The following MEMO1 variants were observed in gnomAD, a reference collection of about 807,000 sequenced individuals.
MEMO1 encodes the protein mediator of cell motility 1.
Under a neutral mutation model 45.2 loss-of-function variants are expected in MEMO1, and 6 were observed. The ratio of observed to expected loss-of-function variants is 0.13; its 90% CI spans 0.07 to 0.26. The LOEUF (loss-of-function observed/expected upper bound fraction) is 0.26, where lower values mean the gene tolerates loss of function less well. Among genes scored for constraint, MEMO1 ranks in the 10% least tolerant of loss-of-function variants. The pLI, the probability that MEMO1 is intolerant of heterozygous loss-of-function variation, is 1.00. For missense variants in MEMO1, 184 were observed against 370.5 expected, an observed-to-expected ratio of 0.50 and a Z score of 4.13; for synonymous variants, 78 against 124.3, an observed-to-expected ratio of 0.63 and a Z score of 2.48.
intron 6 of MEMO1, among the ~76,000 whole-genome samples, chr2:31,900,468 G>A (rs544191076): frequency 1.1e-3 from 163 of 152,162 alleles, no homozygotes; most frequent in African/African-American, 3.6e-3. Context: ...CTCATTAACT[G>A]GGGCTTTAAC....
At chr2:31,875,799 G>C (rs1674469159) in intron 8 of MEMO1, among the ~76,000 whole-genome samples, 1 of 152,032 alleles carries the variant, frequency 6.6e-6, no homozygotes, top group South Asian at 2.1e-4. Flanking sequence ...CGATTCTCCT[G>C]CCTCAGCCTC....
At chr2:31,914,256 C>T (rs1207842356) in intron 6 of MEMO1, among the ~76,000 whole-genome samples, 2 of 151,966 alleles carry the variant, frequency 1.3e-5, no homozygotes, top group South Asian at 2.1e-4. Flanking sequence ...ACTATAGAAT[C>T]GTAAGTGAAA....
intron 2 of MEMO1, among the ~76,000 whole-genome samples, chr2:32,002,631 T>C (rs914472020): frequency 6.6e-6 from 1 of 152,140 alleles, no homozygotes; most frequent in Non-Finnish European, 1.5e-5. Flanking sequence ...ACTTAGGTCA[T>C]TGTTTCCACA....
intron 6 of MEMO1, among the ~76,000 whole-genome samples, chr2:31,902,808 T>C (rs2148055656): frequency 6.6e-6 from 1 of 152,064 alleles, no homozygotes; most frequent in Admixed American, 6.6e-5. Flanking sequence ...CTGGAGTGCA[T>C]TGGTGCCATC....
At chr2:31,950,274 AGGAGGCTGAGGC>A in intron 2 of MEMO1, among the ~76,000 whole-genome samples, 1 of 151,924 alleles carries the variant, frequency 6.6e-6, no homozygotes, top group Non-Finnish European at 1.5e-5. Flanking sequence ...CCAGCTACTC[AGGAGGCTGAGGC>A]AGGAGAATCT....
intron 2 of MEMO1, among the ~76,000 whole-genome samples, chr2:31,969,442 C>T (rs961175787): frequency 3.3e-5 from 5 of 150,062 alleles, no homozygotes; most frequent in South Asian, 2.1e-4. Flanking sequence ...TGTGTGTATA[C>T]GCATATATAT....
chr2:32,000,559 T>C (rs1247465020), intron 2 of MEMO1, among the ~76,000 whole-genome samples: 1 of 151,772 alleles, frequency 6.6e-6, no homozygotes, highest in Non-Finnish European at 1.5e-5. Flanking sequence ...AAAGACAGGG[T>C]TTCATCATGT....
At chr2:31,913,242 C>A (rs1345813317) in intron 6 of MEMO1, among the ~76,000 whole-genome samples, 5 of 123,100 alleles carry the variant, frequency 4.1e-5, no homozygotes, top group Non-Finnish European at 8.2e-5. Context: ...GAGCGAGACT[C>A]CGTCTCAAAA....
chr2:31,949,356 T>C (rs1012867755), intron 2 of MEMO1, among the ~76,000 whole-genome samples: 15 of 152,092 alleles, frequency 9.9e-5, no homozygotes, highest in African/African-American at 3.4e-4. Flanking sequence ...ATTGGATGCA[T>C]CCTAAGTGTC....
At chr2:31,938,919 T>C (rs1214215391) in intron 3 of MEMO1, among the ~76,000 whole-genome samples, 1 of 151,546 alleles carries the variant, frequency 6.6e-6, no homozygotes, top group Non-Finnish European at 1.5e-5. Flanking sequence ...CTGGAGTAGC[T>C]GGGGCTGCAG....
chr2:31,946,001 T>C (rs1206322601), intron 2 of MEMO1, among the ~76,000 whole-genome samples: 1 of 152,208 alleles, frequency 6.6e-6, no homozygotes, highest in African/African-American at 2.4e-5. Flanking sequence ...TGCAATCTTT[T>C]AGCAGATTGC....
Position 31,891,915 on chromosome 2 carries a change from CA to C in MEMO1, c.580+76del, listed in dbSNP as rs542349859. ...AGGAAAGTGATAAAAAACTGAAAAT[CA>C]GAGCTTAGAATGAAAAGATACCTTT... On this transcript the variant is annotated intron_variant, in intron 7 of 9. Coordinates refer to ENST00000404530, the MANE Select transcript of MEMO1 (RefSeq NM_001301833.4). 11 of 1,397,402 alleles carry C rather than the reference CA, an allele frequency of 7.9e-6. No homozygotes were observed. The African/African-American group carries it at 8.7e-5, about 11-fold the overall frequency. The allele number at this position is 1,397,402 out of a possible 1,614,324, so 86.6% of individuals were successfully genotyped here.
intron 2 of MEMO1, among the ~76,000 whole-genome samples, chr2:31,982,719 A>G (rs56821465): frequency 0.14 from 20,625 of 152,020 alleles, 1,625 homozygotes; most frequent in Middle Eastern, 0.21. Context: ...CTTATACTCT[A>G]GCTGGTAAAT....
intron 3 of MEMO1, among the ~76,000 whole-genome samples, chr2:31,933,949 C>G (rs575548013): frequency 2.6e-5 from 4 of 152,254 alleles, no homozygotes; most frequent in Non-Finnish European, 5.9e-5. Context: ...TGTTACAACT[C>G]CAGTCTCTGA....
At chr2:31,955,595 T>C (rs1249178725) in intron 2 of MEMO1, among the ~76,000 whole-genome samples, 16 of 152,116 alleles carry the variant, frequency 1.1e-4, no homozygotes, top group Non-Finnish European at 2.2e-4. Flanking sequence ...TTGAAAACTA[T>C]CCATGTTTAT....
intron 6 of MEMO1, among the ~76,000 whole-genome samples, chr2:31,894,242 T>C (rs934028151): frequency 6.6e-6 from 1 of 152,164 alleles, no homozygotes; most frequent in Non-Finnish European, 1.5e-5. Context: ...GTAACAACAA[T>C]GGAAACCTGG....
intron 2 of MEMO1, among the ~76,000 whole-genome samples, chr2:31,983,663 ACCGCAGGTGAT>A (rs1488971946): frequency 6.6e-5 from 10 of 152,066 alleles, no homozygotes; most frequent in Non-Finnish European, 1.0e-4. Context: ...TGAACTCCTG[ACCGCAGGTGAT>A]CCGCCTGCCT....
chr2:31,890,930 A>ATT (rs1464874579), intron 7 of MEMO1, among the ~76,000 whole-genome samples: 20 of 152,172 alleles, frequency 1.3e-4, no homozygotes, highest in Admixed American at 6.6e-5. Context: ...TTATGCAAAA[A>ATT]ACTAATCTGT....
intron 8 of MEMO1, among the ~76,000 whole-genome samples, chr2:31,874,395 G>C (rs1042447545): frequency 6.6e-6 from 1 of 152,066 alleles, no homozygotes; most frequent in Admixed American, 6.5e-5. Context: ...CTATGCTACA[G>C]TTACATAGTT....
Sources: allele counts gnomAD v4.1 joint callset (sites outside exome capture counted in the v4.1 genomes callset), GRCh38; gene constraint gnomAD v4.1.1; transcripts MANE v1.5; gene names NCBI Gene and HGNC (gene_info 2026-07-23, HGNC 2026-07-21).